STK32B: variants seen among roughly 807,000 people sequenced by gnomAD.
STK32B encodes the protein serine/threonine-protein kinase 32B.
Under a neutral mutation model 52.6 loss-of-function variants are expected in STK32B, and 43 were observed. The observed-to-expected ratio is 0.82, with a 90% CI of 0.64 to 1.05. The LOEUF (loss-of-function observed/expected upper bound fraction) is 1.05. Among genes scored for constraint, STK32B ranks in the 50% least tolerant of loss-of-function variants. The pLI, the probability that STK32B is intolerant of heterozygous loss-of-function variation, is 0.00. For synonymous variants in STK32B, 238 were observed against 204.3 expected (o/e 1.17, Z -1.41); for missense variants, 621 against 534.6 (o/e 1.16, Z -1.59).
the STK32B span, among the ~76,000 whole-genome samples, chr4:5,040,151 T>A: frequency 1.3e-5 from 2 of 152,178 alleles, no homozygotes; most frequent in African/African-American, 4.8e-5. Context: ...CACTCCCACC[T>A]GCAAAGGCAA....
At position 5,051,760 on chromosome 4, in the gene STK32B, C is replaced by T; in HGVS notation, c.-104C>T. ...TCGGGCTCCGCGCGCGGCTACAACC[C>T]GGACTGGGCGCGCCCCCGGCATCCC... On this transcript the variant is annotated 5_prime_UTR_variant, in exon 1 of 12. Coordinates refer to ENST00000282908, the MANE Select transcript of STK32B (RefSeq NM_018401.3). 2 of 1,502,320 alleles carry T rather than the reference C, an allele frequency of 1.3e-6. No homozygotes were observed. The highest frequency in any genetic ancestry group is 1.8e-6 in the Non-Finnish European group (2 of 1,114,520). The allele number at this position is 1,502,320 out of a possible 1,614,324, so 93.1% of individuals were successfully genotyped here.
chr4:5,455,258 G>T (rs1275371345), intron 7 of STK32B, among the ~76,000 whole-genome samples: 1 of 152,214 alleles, frequency 6.6e-6, no homozygotes, highest in African/African-American at 2.4e-5. Context: ...CAGCAGCCCT[G>T]TGGGAATTGC....
intron 3 of STK32B, among the ~76,000 whole-genome samples, chr4:5,266,534 G>A (rs1727067953): frequency 6.6e-6 from 1 of 152,190 alleles, no homozygotes; most frequent in Admixed American, 6.5e-5. Context: ...CCGGGAAAAG[G>A]TGAGGAAATT....
At chr4:5,063,949 T>C (rs1742313381) in intron 1 of STK32B, among the ~76,000 whole-genome samples, 1 of 152,182 alleles carries the variant, frequency 6.6e-6, no homozygotes, top group Non-Finnish European at 1.5e-5. Context: ...GTCATGTTTC[T>C]GGTTTTATGA....
rs926974970 is a variant in STK32B at position 5,247,230 on chromosome 4, G to A, written c.260+78780G>A. On this transcript the variant is annotated intron_variant, in intron 3 of 11. Transcript: ENST00000282908. ...CTGTGGTCGGCTCCACCCAGTTTGAGCTTCCTGGCCGCTTTTTTTACCTAC... is the reference window on the plus strand; with the variant it reads ...CTGTGGTCGGCTCCACCCAGTTTGAACTTCCTGGCCGCTTTTTTTACCTAC... Among the ~76,000 whole-genome samples the A allele has an allele frequency of 4.6e-5, 7 of 152,136 alleles. No homozygotes were observed. In the East Asian group the frequency reaches 7.7e-4, roughly 17 times the overall value.
intron 1 of STK32B, among the ~76,000 whole-genome samples, chr4:5,053,707 G>T (rs759251089): frequency 5.9e-5 from 9 of 152,176 alleles, no homozygotes; most frequent in Non-Finnish European, 1.3e-4. Context: ...ATGAGGCCGG[G>T]CGCGGTGGCT....
chr4:5,264,766 A>G (rs7687918), intron 3 of STK32B, among the ~76,000 whole-genome samples: 25,453 of 152,044 alleles, frequency 0.17, 4,144 homozygotes, highest in African/African-American at 0.42. Context: ...CAGCCTGGGC[A>G]ACAGAGCGAG....
intron 11 of STK32B, among the ~76,000 whole-genome samples, chr4:5,488,633 G>A (rs1276498608): frequency 6.6e-6 from 1 of 151,946 alleles, no homozygotes; most frequent in Non-Finnish European, 1.5e-5. Flanking sequence ...ATTCTGCTTT[G>A]TCTTCTGCCT....
At chr4:5,362,646 A>G (rs1162216997) in intron 4 of STK32B, among the ~76,000 whole-genome samples, 2 of 152,196 alleles carry the variant, frequency 1.3e-5, no homozygotes, top group African/African-American at 2.4e-5. Context: ...AAAGCCTGAC[A>G]GCCACCACGG....
chr4:5,069,689 G>C (rs1350699557), intron 1 of STK32B, among the ~76,000 whole-genome samples: 1 of 152,148 alleles, frequency 6.6e-6, no homozygotes, highest in East Asian at 1.9e-4. Context: ...TACTAAATGA[G>C]TTAATGTACG....
At chr4:5,272,200 A>T (rs2108858340) in intron 3 of STK32B, among the ~76,000 whole-genome samples, 1 of 143,088 alleles carries the variant, frequency 7.0e-6, no homozygotes, top group South Asian at 2.3e-4. Context: ...ATTTATTGAG[A>T]GTTTTTAGCA....
intron 1 of STK32B, among the ~76,000 whole-genome samples, chr4:5,072,185 A>C (rs191466362): frequency 2.0e-5 from 3 of 152,190 alleles, no homozygotes; most frequent in African/African-American, 7.2e-5. Context: ...CCACTAGTAT[A>C]TTCTACACTG....
intron 1 of STK32B, among the ~76,000 whole-genome samples, chr4:5,127,852 T>C (rs1312913279): frequency 6.6e-6 from 1 of 151,934 alleles, no homozygotes; most frequent in Admixed American, 6.6e-5. Context: ...TGGGGGTGGG[T>C]TTTTCCCAGC....
chr4:5,237,114 T>G (rs1007503315), intron 3 of STK32B, among the ~76,000 whole-genome samples: 3 of 152,024 alleles, frequency 2.0e-5, no homozygotes, highest in African/African-American at 7.2e-5. Flanking sequence ...GTTTGCCAGG[T>G]GGGAGGCTGA....
chr4:5,354,514 C>G (rs945168862), intron 4 of STK32B, among the ~76,000 whole-genome samples: 2 of 152,232 alleles, frequency 1.3e-5, no homozygotes, highest in African/African-American at 4.8e-5. Flanking sequence ...GATCCGCCCA[C>G]CTTGACCTCT....
chr4:5,181,195 C>T (rs773528192), intron 3 of STK32B, among the ~76,000 whole-genome samples: 1 of 152,140 alleles, frequency 6.6e-6, no homozygotes, highest in Admixed American at 6.5e-5. Flanking sequence ...TATGTTGAAA[C>T]CCTAGCCCCC....
At chr4:5,459,595 T>C (rs543252437) in intron 8 of STK32B, among the ~76,000 whole-genome samples, 89 of 152,316 alleles carry the variant, frequency 5.8e-4, no homozygotes, top group African/African-American at 2.0e-3. Flanking sequence ...TCACTCCTTA[T>C]TAGCTGAAAC....
chr4:5,101,737 C>G (rs910521765), intron 1 of STK32B, among the ~76,000 whole-genome samples: 1 of 152,120 alleles, frequency 6.6e-6, no homozygotes, highest in African/African-American at 2.4e-5. Flanking sequence ...TGTGTGATGA[C>G]AAAACCGCAA....
chr4:5,493,494 A>T (rs1361015718), intron 11 of STK32B, among the ~76,000 whole-genome samples: 1 of 152,094 alleles, frequency 6.6e-6, no homozygotes, highest in African/African-American at 2.4e-5. Flanking sequence ...TCTTCCTAGC[A>T]GTCTATCAAT....
Sources: gnomAD v4.1 joint callset for allele counts (sites outside exome capture counted in the v4.1 genomes callset) on GRCh38, gnomAD v4.1.1 for gene constraint, MANE v1.5 for transcripts, NCBI Gene and HGNC (gene_info 2026-07-23, HGNC 2026-07-21) for gene names.